The following CEACAM20 variants were observed in gnomAD, a reference collection of about 807,000 sequenced individuals.
CEACAM20 encodes cell adhesion molecule CEACAM20.
CEACAM20 carries 50 observed loss-of-function variants against 61.2 expected under a neutral mutation model. That is an observed-to-expected ratio of 0.82 (90% CI 0.65 to 1.03). CEACAM20 has a LOEUF of 1.03. CEACAM20 is among the 50% of genes least tolerant of loss of function. The pLI is 0.00. For missense variants in CEACAM20, 683 were observed against 736.4 expected (o/e 0.93, Z 0.84); for synonymous variants, 282 against 287.7 (o/e 0.98, Z 0.20).
intron 11 of CEACAM20, 115 bp downstream of exon 11, chr19:44,510,915 T>G: frequency 7.6e-7 from 1 of 1,311,588 alleles, no homozygotes; most frequent in Non-Finnish European, 1.1e-6. Flanking sequence ...TTGAGAAGAT[T>G]TTTAAAGGGA....
chr19:44,509,276 G>C (rs1172764810), intron 11 of CEACAM20, among the ~76,000 whole-genome samples: 1 of 151,706 alleles, frequency 6.6e-6, no homozygotes, highest in Non-Finnish European at 1.5e-5. Flanking sequence ...GGTAATGAGG[G>C]GAGAGAAGTG....
chr19:44,511,223 C>A, intron 10 of CEACAM20, 68 bp from the exon 11 acceptor site: 1 of 1,583,008 alleles, frequency 6.3e-7, no homozygotes. Flanking sequence ...CCAACTTACA[C>A]TCTTCAGGGA....
chr19:44,518,491 C>T (rs1971260619), intron 5 of CEACAM20, among the ~76,000 whole-genome samples: 1 of 151,950 alleles, frequency 6.6e-6, no homozygotes, highest in South Asian at 2.1e-4. Flanking sequence ...GTAATCCCAG[C>T]ACTTTGGGAG....
intron 6 of CEACAM20, among the ~76,000 whole-genome samples, chr19:44,516,601 G>C (rs1162143610): frequency 6.6e-6 from 1 of 152,224 alleles, no homozygotes; most frequent in Non-Finnish European, 1.5e-5. Flanking sequence ...ACGTGGAACT[G>C]TGAGTCCATT....
intron 3 of CEACAM20, among the ~76,000 whole-genome samples, chr19:44,523,408 C>T (rs1266950412): frequency 2.4e-5 from 3 of 124,334 alleles, no homozygotes; most frequent in African/African-American, 9.4e-5. Context: ...AATCTTGTCT[C>T]AAATGAATGA....
chr19:44,528,645 T>A (rs937404483), intron 1 of CEACAM20, among the ~76,000 whole-genome samples: 1 of 150,764 alleles, frequency 6.6e-6, no homozygotes. Flanking sequence ...TGTGACTCCA[T>A]CTTTCTCTGT....
At chr19:44,522,107 A>C (rs112363109) in intron 4 of CEACAM20, among the ~76,000 whole-genome samples, 2,659 of 151,556 alleles carry the variant, frequency 0.018, 89 homozygotes, top group African/African-American at 0.061. Context: ...CTGGCTCTTA[A>C]GATTTTTTTT....
At chr19:44,515,185 G>A (rs1416445602) in intron 6 of CEACAM20, among the ~76,000 whole-genome samples, 1 of 151,586 alleles carries the variant, frequency 6.6e-6, no homozygotes, top group East Asian at 1.9e-4. Context: ...AAAACTACTA[G>A]CACAGTGCCT....
intron 8 of CEACAM20, 47 bp downstream of exon 8, chr19:44,512,821 C>T: frequency 1.3e-6 from 2 of 1,526,128 alleles, no homozygotes; most frequent in Non-Finnish European, 1.8e-6. Context: ...GCCTCTTCCC[C>T]AGCCCTCACC....
intron 6 of CEACAM20, among the ~76,000 whole-genome samples, chr19:44,516,464 T>C (rs1971157265): frequency 6.6e-6 from 1 of 152,210 alleles, no homozygotes; most frequent in African/African-American, 2.4e-5. Context: ...TGGTAGTGAA[T>C]AAGTCTCACG....
intron 2 of CEACAM20, 37 bp from the exon 3 acceptor site, chr19:44,524,298 G>A (rs765737462): frequency 6.3e-7 from 1 of 1,582,672 alleles, no homozygotes; most frequent in East Asian, 2.2e-5. Flanking sequence ...CAGAGACACA[G>A]GTAGAGGAAG....
At chr19:44,521,138 C>A (rs547596015) in intron 4 of CEACAM20, among the ~76,000 whole-genome samples, 76 of 151,946 alleles carry the variant, frequency 5.0e-4, no homozygotes, top group African/African-American at 1.6e-3. Flanking sequence ...TGTTCTGTGT[C>A]TGTGGTATTG....
chr19:44,518,110 G>A (rs1430173942), intron 5 of CEACAM20, among the ~76,000 whole-genome samples: 4 of 33,746 alleles, frequency 1.2e-4, no homozygotes, highest in African/African-American at 4.5e-4. Flanking sequence ...AAGAAAGGAA[G>A]GAAGGAAGGA....
rs1307223727 is a variant in CEACAM20, at chr19:44,517,169, G to A, written c.1086C>T (p.Thr362=). 1.2e-6 allele frequency: 2 copies of A among 1,612,724 alleles called. No homozygotes were observed. The highest frequency in any genetic ancestry group is 2.2e-5 in the East Asian group (1 of 44,886). Reference sequence around the variant, plus strand: ...GGCTGGAGTTGAGCTCTGCCTCTATGGTGCTGATCATCTCAGATGCCGACT... The same window carrying A: ...GGCTGGAGTTGAGCTCTGCCTCTATAGTGCTGATCATCTCAGATGCCGACT... ...TRESASEMIS[T]IEAELNSSLT... Residue 362 remains threonine (T), a synonymous_variant, in exon 6 of 12, where the codon ACC becomes ACT. Coordinates refer to ENST00000614924, the MANE Select transcript of CEACAM20 (RefSeq NM_001102597.3).
rs752971964 is a variant in CEACAM20, at chr19:44,512,899, C to A, written c.1482G>T (p.Pro494=). 8.1e-6 allele frequency: 13 copies of A among 1,613,640 alleles called. No individual in the cohort carries two copies. Among genetic ancestry groups the A allele is most frequent in the Non-Finnish European group, 1.7e-6 (2 of 1,179,818 alleles). ...DPSHETSQPI[P]KEEHPTEPSS... ...TGGGCTCTGTGGGGTGCTCCTCCTT[C>A]GGGATGGGTTGTGAGGTCTCATGAC... is the stretch of plus-strand genomic sequence containing the variant. Residue 494 remains proline (P), a synonymous_variant, in exon 8 of 12, where the codon CCG becomes CCT. Coordinates refer to ENST00000614924, the MANE Select transcript of CEACAM20 (RefSeq NM_001102597.3).
At chr19:44,507,819 C>A (rs1568444537) in intron 11 of CEACAM20, among the ~76,000 whole-genome samples, 1 of 152,116 alleles carries the variant, frequency 6.6e-6, no homozygotes, top group African/African-American at 2.4e-5. Flanking sequence ...TCGCTTGAGC[C>A]CAGGAATCTG....
Position 44,520,523 on chromosome 19 carries a change from C to G in CEACAM20, c.981G>C (p.Trp327Cys), listed in dbSNP as rs1971323312. 6.2e-7 allele frequency: 1 copy of G among 1,613,780 alleles called. No individual in the cohort carries two copies. Among genetic ancestry groups the G allele is most frequent in the African/African-American group, 1.3e-5 (1 of 74,938 alleles). ...NDTGPYACEV[W>C]NWGSRARSEP... ...CACTCCGGGCCCGGCTGCCCCAGTT[C>G]CAGACCTCACAGGCATAGGGCCCGG... The change falls in exon 5 of 12, where the codon TGG becomes TGC. Residue 327 changes from tryptophan (W) to cysteine (C), a missense_variant. By Grantham distance (215) the Trp-to-Cys change is radical. Coordinates refer to ENST00000614924, the MANE Select transcript of CEACAM20 (RefSeq NM_001102597.3).
intron 11 of CEACAM20, 116 bp from the exon 12 acceptor site, chr19:44,506,330 A>G: frequency 1.2e-6 from 1 of 809,116 alleles, no homozygotes; most frequent in Admixed American, 2.6e-5. Flanking sequence ...AATTCCAAAA[A>G]TCTTCCTCCA....
At chr19:44,507,682 C>T (rs1052028810) in intron 11 of CEACAM20, among the ~76,000 whole-genome samples, 1 of 152,144 alleles carries the variant, frequency 6.6e-6, no homozygotes, top group African/African-American at 2.4e-5. Context: ...ATTCGAACTA[C>T]ATTCAAAGGG....
Sources: allele counts gnomAD v4.1 joint callset (sites outside exome capture counted in the v4.1 genomes callset), GRCh38; gene constraint gnomAD v4.1.1; transcripts MANE v1.5; gene names NCBI Gene and HGNC (gene_info 2026-07-23, HGNC 2026-07-21).